CACNA1B: variants seen among roughly 807,000 people sequenced by gnomAD.
CACNA1B encodes calcium voltage-gated channel subunit alpha1 B, also known as voltage-dependent N-type calcium channel subunit alpha-1B.
CACNA1B carries 70 observed loss-of-function variants against 247.2 expected under a neutral mutation model. The ratio of observed to expected loss-of-function variants is 0.28; its 90% CI spans 0.23 to 0.35. CACNA1B has a LOEUF of 0.35. Ranked by LOEUF, CACNA1B falls within the 10% of genes least tolerant of loss-of-function variation. The pLI is 1.00. For missense variants in CACNA1B, 2,367 were observed against 3,197.4 expected (o/e 0.74, Z 6.26); for synonymous variants, 1,231 against 1,294.4 (o/e 0.95, Z 1.05).
chr9:137,933,702 C>T (rs1476266537), intron 6 of CACNA1B, among the ~76,000 whole-genome samples: 2 of 152,146 alleles, frequency 1.3e-5, no homozygotes, highest in Non-Finnish European at 2.9e-5. Flanking sequence ...TGGAGATAAA[C>T]AAAACCAACA....
chr9:137,882,624 G>T lies in CACNA1B; in HGVS notation c.391-120G>T, dbSNP rs949023889. 12 of 1,165,066 alleles carry T rather than the reference G, an allele frequency of 1.0e-5. No homozygotes were observed. In the Middle Eastern group the frequency reaches 6.0e-4, roughly 58 times the overall value. The allele number at this position is 1,165,066 out of a possible 1,614,324, so 72.2% of individuals were successfully genotyped here. ...GGGTGTTGGGGGCAAGGTGAGGAGG[G>T]TCAGACCCTCACGATAGCTGTGGCC... On this transcript the variant is annotated intron_variant, in intron 2 of 46. Transcript: ENST00000371372. The surrounding 1 kb of genome is among the most constrained non-coding windows in gnomAD (Gnocchi z 4.0).
At chr9:138,006,392 C>T (rs1180693790) in intron 15 of CACNA1B, among the ~76,000 whole-genome samples, 2 of 152,174 alleles carry the variant, frequency 1.3e-5, no homozygotes, top group Admixed American at 6.5e-5. Flanking sequence ...CCCCTGTGAA[C>T]CTCGGCTTCC....
chr9:137,978,295 GC>G (rs1417487425), intron 12 of CACNA1B, among the ~76,000 whole-genome samples: 1 of 129,630 alleles, frequency 7.7e-6, no homozygotes, highest in East Asian at 2.5e-4. Context: ...TGGGAGCACT[GC>G]CCCCCCAGGA....
intron 3 of CACNA1B, among the ~76,000 whole-genome samples, chr9:137,910,384 C>T (rs893621462): frequency 6.6e-6 from 1 of 152,166 alleles, no homozygotes; most frequent in Admixed American, 6.5e-5. Context: ...AGCCCCCAAC[C>T]TTTATGACAC....
Position 137,880,706 on chromosome 9 carries a change from C to T in CACNA1B, c.390+1547C>T, listed in dbSNP as rs973201285. On this transcript the variant is annotated intron_variant, in intron 2 of 46. Transcript: ENST00000371372. The surrounding 1 kb of genome is among the most constrained non-coding windows in gnomAD (Gnocchi z 4.8). ...GCCCGCCCTGAGCCAGCCTAGAGGT[C>T]TGGGGAGCTCTTGACCAGTCCCAGT... Among the ~76,000 whole-genome samples the T allele has an allele frequency of 6.6e-6, 1 of 152,148 alleles. No individual in the cohort carries two copies. Among genetic ancestry groups the T allele is most frequent in the African/African-American group, 2.4e-5 (1 of 41,444 alleles).
intron 15 of CACNA1B, among the ~76,000 whole-genome samples, chr9:137,996,170 G>A (rs1488403841): frequency 6.6e-6 from 1 of 152,160 alleles, no homozygotes; most frequent in Non-Finnish European, 1.5e-5. Context: ...TCTACTCAGA[G>A]GAAAAGAAGT....
Position 138,073,534 on chromosome 9 carries a change from G to A in CACNA1B, c.4721G>A (p.Arg1574Gln), listed in dbSNP as rs1189942821. Residue 1574 changes from arginine (R) to glutamine (Q), a missense_variant, in exon 33 of 47, where the codon CGG (arginine) becomes CAG (glutamine). Arg to Gln is a conservative substitution (Grantham distance 43). Transcript: ENST00000371372. The surrounding 1 kb of genome is among the most constrained non-coding windows in gnomAD (Gnocchi z 6.4). ...LSFLRLFRAA[R>Q]LIKLLRQGYT... ...TTCCTCCGCCTCTTTCGAGCTGCGC[G>A]GCTGATCAAGCTGCTCCGCCAGGGC... 4.3e-6 allele frequency: 7 copies of A among 1,613,546 alleles called. No individual in the cohort carries two copies. The highest frequency in any genetic ancestry group is 1.1e-5 in the South Asian group (1 of 91,062).
rs1228864437 is a variant in CACNA1B at position 138,057,100 on chromosome 9, TA to T, written c.3969-630del. On this transcript the variant is annotated intron_variant, in intron 26 of 46. Transcript: ENST00000371372. This position sits in a 1 kb window ranked among gnomAD's most constrained non-coding sequence, Gnocchi z 4.0. Reference sequence around the variant, plus strand: ...ATAGGCGCCCGCCACCACGCCCGGCTAATTATTTTTGTATTTTTAGTAGAGA... The same window carrying T: ...ATAGGCGCCCGCCACCACGCCCGGCTATTATTTTTGTATTTTTAGTAGAGA... 3.3e-5 allele frequency among the ~76,000 whole-genome samples: 5 copies of T among 151,544 alleles called. No individual in the cohort carries two copies. Among genetic ancestry groups the T allele is most frequent in the African/African-American group, 1.2e-4 (5 of 41,206 alleles).
intron 39 of CACNA1B, among the ~76,000 whole-genome samples, chr9:138,109,565 G>T (rs899828973): frequency 1.3e-5 from 2 of 152,166 alleles, no homozygotes; most frequent in African/African-American, 4.8e-5. Flanking sequence ...CACTGATTCT[G>T]TGGATCAGGG....
rs1958828491 is a variant in CACNA1B at position 138,020,309 on chromosome 9, C to T, written c.2268-2702C>T. Among the ~76,000 whole-genome samples, 1 of 152,154 alleles carries T rather than the reference C, an allele frequency of 6.6e-6. No homozygotes were observed. Among genetic ancestry groups the T allele is most frequent in the African/African-American group, 2.4e-5 (1 of 41,432 alleles). ...TCCTCCCTGGAACAGCTGGGTTGTG[C>T]CTACCAGCTGAGGCCAGGACACAGG... On this transcript the variant is annotated intron_variant, in intron 18 of 46. Transcript: ENST00000371372. The surrounding 1 kb of genome is among the most constrained non-coding windows in gnomAD (Gnocchi z 4.1).
chr9:138,086,043 A>G (rs1452330169), intron 36 of CACNA1B, among the ~76,000 whole-genome samples: 5 of 151,352 alleles, frequency 3.3e-5, no homozygotes, highest in Non-Finnish European at 7.3e-5. Context: ...CTAAACCGTA[A>G]TGATAAATAA....
chr9:137,892,283 A>G (rs1564876823), intron 3 of CACNA1B: 2 of 456,670 alleles, frequency 4.4e-6, no homozygotes, highest in Admixed American at 2.3e-5. Context: ...TGTTGGCAGG[A>G]TTGGTTTCTG....
Position 137,971,389 on chromosome 9 carries a change from C to T in CACNA1B, c.1340C>T (p.Pro447Leu), listed in dbSNP as rs765496718. Reference sequence around the variant, plus strand: ...TAACTCCCCATCCCCTCAGGATCCCCCTTCGCCCGCGCCAGCCTCAAGAGC... The same window carrying T: ...TAACTCCCCATCCCCTCAGGATCCCTCTTCGCCCGCGCCAGCCTCAAGAGC... Reference protein sequence around the residue: ...RFADLCAVGSPFARASLKSGK... With the variant: ...RFADLCAVGSLFARASLKSGK... Residue 447 changes from proline (P) to leucine (L), a missense_variant, in exon 11 of 47, where the codon CCC becomes CTC. Physicochemically the swap from Pro to Leu is moderately conservative, Grantham distance 98. Transcript: ENST00000371372. The surrounding 1 kb of genome is among the most constrained non-coding windows in gnomAD (Gnocchi z 4.4). 1.2e-6 allele frequency: 2 copies of T among 1,609,518 alleles called. No individual in the cohort carries two copies. Among genetic ancestry groups the T allele is most frequent in the African/African-American group, 1.3e-5 (1 of 74,798 alleles).
chr9:137,952,459 G>A lies in CACNA1B; in HGVS notation c.1070+82G>A, dbSNP rs1957888915. ...CAACAGGGGCACGTGTGACACTTGGGGTGGGGGCCTGGCCCATGGGTGCCC... is the reference window on the plus strand; with the variant it reads ...CAACAGGGGCACGTGTGACACTTGGAGTGGGGGCCTGGCCCATGGGTGCCC... On this transcript the variant is annotated intron_variant, in intron 7 of 46. Coordinates refer to ENST00000371372, the MANE Select transcript of CACNA1B (RefSeq NM_000718.4). The surrounding 1 kb of genome is among the most constrained non-coding windows in gnomAD (Gnocchi z 4.8). 8.4e-7 allele frequency: 1 copy of A among 1,190,552 alleles called. No individual in the cohort carries two copies. 73.7% of individuals were successfully genotyped at this position (1,190,552 alleles called of 1,614,324 possible).
In CACNA1B at chr9:138,043,816, A is replaced by T; in HGVS notation, c.3329A>T (p.Glu1110Val). The change falls in exon 21 of 47, where the codon GAG (glutamate) becomes GTG (valine). Residue 1110 changes from glutamate to valine, a missense_variant. Physicochemically the swap from Glu to Val is moderately radical, Grantham distance 121 (BLOSUM62 -2). Around this residue, in one of 12 missense-constraint regions of CACNA1B, gnomAD observed 631 missense variants for 631.1 expected, o/e 1.00. Coordinates refer to ENST00000371372, the MANE Select transcript of CACNA1B (RefSeq NM_000718.4). Reference protein sequence around the residue: ...DLESQAEGKKEVEADDVMRSG... With the variant: ...DLESQAEGKKVVEADDVMRSG... ...GAAAGCCAAGCAGAGGGGAAGAAGGAGGTGGAAGCGGATGACGTGATGAGG... is the reference window on the plus strand; with the variant it reads ...GAAAGCCAAGCAGAGGGGAAGAAGGTGGTGGAAGCGGATGACGTGATGAGG... 1 of 1,613,852 alleles carries T rather than the reference A, an allele frequency of 6.2e-7. No homozygotes were observed. Among genetic ancestry groups the T allele is most frequent in the Non-Finnish European group, 8.5e-7 (1 of 1,179,846 alleles).
rs1013828895 is a variant in CACNA1B, at chr9:138,120,706, G to T, written c.6314G>T (p.Arg2105Leu). The change falls in exon 46 of 47, where the codon CGG (arginine) becomes CTG (leucine). Residue 2105 changes from arginine to leucine, a missense_variant. Coordinates refer to ENST00000371372, the MANE Select transcript of CACNA1B (RefSeq NM_000718.4). ...PTGCRRERER[R>L]QERGRSQERR... is the part of the protein sequence containing the mutation. ...GGCTGCCGGCGGGAACGAGAGCGCC[G>T]GCAGGAGCGGGGCCGGTCCCAGGAG... is the stretch of plus-strand genomic sequence containing the variant. The T allele has an allele frequency of 6.6e-7, 1 of 1,521,080 alleles. No individual in the cohort carries two copies. The highest frequency in any genetic ancestry group is 8.8e-7 in the Non-Finnish European group (1 of 1,138,778). The allele number at this position is 1,521,080 out of a possible 1,614,324, so 94.2% of individuals were successfully genotyped here.
chr9:137,948,052 C>T (rs1957818383), intron 6 of CACNA1B, among the ~76,000 whole-genome samples: 1 of 141,470 alleles, frequency 7.1e-6, no homozygotes, highest in South Asian at 2.3e-4. Context: ...ACAATCTCGG[C>T]TCACTGCAAA....
intron 3 of CACNA1B, chr9:137,892,496 C>T (rs145580532): frequency 2.9e-4 from 111 of 384,440 alleles, no homozygotes; most frequent in African/African-American, 2.2e-3. Flanking sequence ...ATAGTTCTCC[C>T]CCTTTCCTCT....
At chr9:137,896,163 T>C (rs1055923616) in intron 3 of CACNA1B, among the ~76,000 whole-genome samples, 3 of 141,910 alleles carry the variant, frequency 2.1e-5, no homozygotes, top group South Asian at 2.2e-4. Flanking sequence ...GGCGTGAACC[T>C]GGGTGGCGGA....
Sources: gnomAD v4.1 joint callset for allele counts (sites outside exome capture counted in the v4.1 genomes callset) on GRCh38, gnomAD v4.1.1 for gene constraint, gnomAD v4.1.1 regional missense constraint, Gnocchi (gnomAD v3.1) non-coding constraint, MANE v1.5 for transcripts, NCBI Gene and HGNC (gene_info 2026-07-23, HGNC 2026-07-21) for gene names.